The following IGFALS variants were observed in gnomAD, a reference collection of about 807,000 sequenced individuals.
IGFALS encodes insulin like growth factor binding protein acid labile subunit.
Under a neutral mutation model 2.6 loss-of-function variants are expected in IGFALS, and 2 were observed. That is an observed-to-expected ratio of 0.77 (90% CI 0.32 to 2.44). IGFALS has a LOEUF of 2.44. Ranked by LOEUF, IGFALS falls within the 30% of genes most tolerant of loss-of-function variation. The pLI is 0.11. For missense variants in IGFALS, 996 were observed against 848.7 expected (o/e 1.17, Z -2.16); for synonymous variants, 519 against 431.9 (o/e 1.20, Z -2.50).
rs369042586 is a variant in IGFALS, at chr16:1,791,518, G to A, written c.900C>T (p.Asn300=). Residue 300 remains asparagine, a synonymous_variant, in exon 2 of 2, where the codon AAC becomes AAT. Transcript: ENST00000215539. ...TGCGGGGCCGCAGGCTGGCGATGGC[G>A]TTGTGGGACAGCCGCAGCACACGCA... ...LGLRVLRLSH[N]AIASLRPRTF... 1.3e-5 allele frequency: 21 copies of A among 1,601,238 alleles called. No homozygotes were observed. The highest frequency in any genetic ancestry group is 5.4e-5 in the African/African-American group (4 of 74,618).
Position 1,790,862 on chromosome 16 carries a change from C to T in IGFALS, c.1556G>A (p.Arg519Gln), listed in dbSNP as rs1028585073. 23 of 1,567,368 alleles carry T rather than the reference C, an allele frequency of 1.5e-5. No homozygotes were observed. Among genetic ancestry groups the T allele is most frequent in the African/African-American group, 2.7e-5 (2 of 73,820 alleles). ...GCCCGGGGGCTGCGGCGTGAAGGTCCGCAGTGAGTTGTTCCTGAGGCTGAG... is the reference window on the plus strand; with the variant it reads ...GCCCGGGGGCTGCGGCGTGAAGGTCTGCAGTGAGTTGTTCCTGAGGCTGAG... ...RYLSLRNNSL[R>Q]TFTPQPPGLE... The change falls in exon 2 of 2, where the codon CGG (arginine) becomes CAG (glutamine). Residue 519 changes from arginine (R) to glutamine (Q), a missense_variant. Physicochemically the swap from Arg to Gln is conservative, Grantham distance 43. Transcript: ENST00000215539.
chr16:1,792,340 C>T lies in IGFALS; in HGVS notation c.78G>A (p.Glu26=), dbSNP rs1214343207. ...CCCCCGGCGTTCCGGGGTCTGCTCC[C>T]TCCAGGCTGCGGGGGCCCAGTGCCA... is the stretch of plus-strand genomic sequence containing the variant. The part of the protein sequence containing the change: ...SWVALGPRSL[E]GADPGTPGEA... Residue 26 remains glutamate, a synonymous_variant, in exon 2 of 2, where the codon GAG becomes GAA. Coordinates refer to ENST00000215539, the MANE Select transcript of IGFALS (RefSeq NM_004970.3). 1.3e-6 allele frequency: 2 copies of T among 1,592,400 alleles called. No homozygotes were observed. The highest frequency in any genetic ancestry group is 1.7e-6 in the Non-Finnish European group (2 of 1,175,100).
chr16:1,794,145 C>G (rs1055007465), upstream of IGFALS, among the ~76,000 whole-genome samples: 7 of 152,234 alleles, frequency 4.6e-5, no homozygotes, highest in East Asian at 5.8e-4. Context: ...GCTGCCGCCC[C>G]TTCCCCGTGC....
At chr16:1,793,061 G>A (rs1453983100) in intron 1 of IGFALS, among the ~76,000 whole-genome samples, 1 of 152,210 alleles carries the variant, frequency 6.6e-6, no homozygotes, top group Non-Finnish European at 1.5e-5. Flanking sequence ...GACCCAGCCA[G>A]CAGGCTCCCA....
At chr16:1,792,653 C>G in intron 1 of IGFALS, 1 of 527,482 alleles carries the variant, frequency 1.9e-6, no homozygotes, top group Non-Finnish European at 2.9e-6. Context: ...TCCAGCTGTG[C>G]GCAGGCCACG....
rs775129479 is a variant in IGFALS at position 1,791,387 on chromosome 16, G to C, written c.1031C>G (p.Thr344Arg). 9.3e-6 allele frequency: 15 copies of C among 1,610,066 alleles called. No individual in the cohort carries two copies. Among genetic ancestry groups the C allele is most frequent in the Non-Finnish European group, 1.1e-5 (13 of 1,179,946 alleles). Residue 344 changes from threonine (T) to arginine (R), a missense_variant, in exon 2 of 2, where the codon ACG becomes AGG. By Grantham distance (71) the Thr-to-Arg change is moderately conservative. Coordinates refer to ENST00000215539, the MANE Select transcript of IGFALS (RefSeq NM_004970.3). ...FEGLGQLEVL[T>R]LDHNQLQEVK... ...CTCCTGGAGCTGGTTGTGGTCTAGC[G>C]TGAGCACCTCAAGCTGCCCCAGGCC...
chr16:1,792,551 C>T lies in IGFALS; in HGVS notation c.17-150G>A, dbSNP rs527328806. On this transcript the variant is annotated intron_variant, in intron 1 of 1. Transcript: ENST00000215539. ...AAGAAGCCGGTGAGCCCCACAGGTC[C>T]TCCGGCTCAAAAGCTGACACTGCGC... 12 of 1,399,838 alleles carry T rather than the reference C, an allele frequency of 8.6e-6. No homozygotes were observed. In the African/African-American group the frequency reaches 1.0e-4, roughly 12 times the overall value. 86.7% of individuals were successfully genotyped at this position (1,399,838 alleles called of 1,614,324 possible).
rs761985621 is a variant in IGFALS at position 1,792,220 on chromosome 16, C to T, written c.198G>A (p.Thr66=). The change falls in exon 2 of 2, where the codon ACG becomes ACA. Residue 66 remains threonine, a synonymous_variant. Transcript: ENST00000215539. ...LSVFCSSRNL[T]RLPDGVPGGT... The stretch of plus-strand genomic sequence containing the variant: ...CGCCCGGGACTCCATCAGGCAGGCG[C>T]GTGAGGTTCCTGGAGCTGCAGAAGA... The T allele has an allele frequency of 1.2e-5, 19 of 1,607,540 alleles. No homozygotes were observed. Among genetic ancestry groups the T allele is most frequent in the East Asian group, 2.2e-5 (1 of 44,848 alleles).
At chr16:1,793,532 GC>G in intron 1 of IGFALS, 104 bp downstream of exon 1, 2 of 1,088,646 alleles carry the variant, frequency 1.8e-6, no homozygotes, top group Non-Finnish European at 1.3e-6. Flanking sequence ...CCAGAGCTGA[GC>G]CCCCCAGAGC....
Position 1,792,090 on chromosome 16 carries a change from G to T in IGFALS, c.328C>A (p.Leu110Met), listed in dbSNP as rs907269602. The T allele has an allele frequency of 6.2e-7, 1 of 1,609,942 alleles. No individual in the cohort carries two copies. Among genetic ancestry groups the T allele is most frequent in the Non-Finnish European group, 8.5e-7 (1 of 1,179,230 alleles). Reference sequence around the variant, plus strand: ...AGCGCCTGTGGCTCCAGGCTGCCCAGCTGGCCGCCCTGCAGGTTGAGGAAG... The same window carrying T: ...AGCGCCTGTGGCTCCAGGCTGCCCATCTGGCCGCCCTGCAGGTTGAGGAAG... ...LGFLNLQGGQ[L>M]GSLEPQALLG... The change falls in exon 2 of 2, where the codon CTG becomes ATG. Residue 110 changes from leucine (L) to methionine (M), a missense_variant. By Grantham distance (15) the Leu-to-Met change is conservative (BLOSUM62 2). Coordinates refer to ENST00000215539, the MANE Select transcript of IGFALS (RefSeq NM_004970.3).
At chr16:1,794,516 C>T (rs1897292565), upstream of IGFALS, among the ~76,000 whole-genome samples, 1 of 152,160 alleles carries the variant, frequency 6.6e-6, no homozygotes, top group Non-Finnish European at 1.5e-5. Flanking sequence ...AGAGAGGCCA[C>T]AGGAATGTGT....
chr16:1,794,018 C>T (rs1285401094), upstream of IGFALS, among the ~76,000 whole-genome samples: 2 of 152,092 alleles, frequency 1.3e-5, no homozygotes, highest in African/African-American at 2.4e-5. Flanking sequence ...GGCTTGAGGC[C>T]GGTTTGGGGA....
At chr16:1,793,550 G>C (rs893737205) in intron 1 of IGFALS, 87 bp downstream of exon 1, 4 of 1,351,628 alleles carry the variant, frequency 3.0e-6, no homozygotes, top group Non-Finnish European at 4.1e-6. Context: ...GAGCTTCCTT[G>C]GGGGCTACCC....
Position 1,792,202 on chromosome 16 carries a change from G to T in IGFALS, c.216C>A (p.Val72=), listed in dbSNP as rs753460598. The part of the protein sequence containing the change: ...SRNLTRLPDG[V]PGGTQALWLD... ...GCCACAGGGCTTGGGTGCCGCCCGGGACTCCATCAGGCAGGCGCGTGAGGT... is the reference window on the plus strand; with the variant it reads ...GCCACAGGGCTTGGGTGCCGCCCGGTACTCCATCAGGCAGGCGCGTGAGGT... Residue 72 remains valine (V), a synonymous_variant, in exon 2 of 2, where the codon GTC becomes GTA. Transcript: ENST00000215539. 1 of 1,610,296 alleles carries T rather than the reference G, an allele frequency of 6.2e-7. No individual in the cohort carries two copies. Among genetic ancestry groups the T allele is most frequent in the Non-Finnish European group, 8.5e-7 (1 of 1,179,714 alleles).
intron 1 of IGFALS, among the ~76,000 whole-genome samples, chr16:1,792,791 A>G (rs892063307): frequency 2.0e-5 from 3 of 152,144 alleles, no homozygotes; most frequent in Non-Finnish European, 4.4e-5. Flanking sequence ...GCCATTGGCC[A>G]AGGTCCGGCC....
In IGFALS at chr16:1,790,548, C is replaced by T; in HGVS notation, c.*52G>A. Reference sequence around the variant, plus strand: ...GGACACTGAGGACCTGTCCCCAGCACAAGGTGAGCCAGGTGGGGGCCTGAG... The same window carrying T: ...GGACACTGAGGACCTGTCCCCAGCATAAGGTGAGCCAGGTGGGGGCCTGAG... On this transcript the variant is annotated 3_prime_UTR_variant, in exon 2 of 2. Transcript: ENST00000215539. The T allele has an allele frequency of 1.4e-6, 2 of 1,469,542 alleles. No individual in the cohort carries two copies. The highest frequency in any genetic ancestry group is 9.3e-7 in the Non-Finnish European group (1 of 1,075,636). 91.0% of individuals were successfully genotyped at this position (1,469,542 alleles called of 1,614,324 possible).
intron 1 of IGFALS, among the ~76,000 whole-genome samples, chr16:1,793,154 G>C (rs537746367): frequency 6.6e-6 from 1 of 152,180 alleles, no homozygotes; most frequent in African/African-American, 2.4e-5. Context: ...GCAGGGGCGA[G>C]GTGGGGCCCC....
At position 1,792,783 on chromosome 16, in the gene IGFALS, C is replaced by T. The variant is rs528834317; in HGVS notation, c.17-382G>A. Among the ~76,000 whole-genome samples the T allele has an allele frequency of 3.0e-4, 45 of 152,346 alleles. No homozygotes were observed. In the South Asian group the frequency reaches 8.3e-3, roughly 28 times the overall value. ...CTAGAGGAAGGGGAGGGAACTGAGC[C>T]ATTGGCCAAGGTCCGGCCATTTTCA... On this transcript the variant is annotated intron_variant, in intron 1 of 1. Transcript: ENST00000215539.
At position 1,791,115 on chromosome 16, in the gene IGFALS, C is replaced by A; in HGVS notation, c.1303G>T (p.Glu435Ter). 6.2e-7 allele frequency: 1 copy of A among 1,602,416 alleles called. No individual in the cohort carries two copies. The highest frequency in any genetic ancestry group is 2.2e-5 in the East Asian group (1 of 44,838). ...GAGGTCAGGTCGAGCTCCAGCAGCT[C>A]CGCCAGCCCCCACAGGCTCTGCTCC... Reference protein sequence around the residue: ...IEEQSLWGLAELLELDLTSNQ... With the variant: ...IEEQSLWGLA The change falls in exon 2 of 2, where the codon GAG becomes TAG. Residue 435 changes from glutamate to a stop codon, truncating the protein, a stop_gained. Transcript: ENST00000215539. LOFTEE classifies it low-confidence loss of function (END_TRUNC).
Sources: allele counts gnomAD v4.1 joint callset (sites outside exome capture counted in the v4.1 genomes callset), GRCh38; gene constraint gnomAD v4.1.1; transcripts MANE v1.5; gene names NCBI Gene and HGNC (gene_info 2026-07-23, HGNC 2026-07-21).